Variants in TENM3 observed in about 807,000 individuals in gnomAD.
The protein encoded by TENM3 is teneurin-3.
Under a neutral mutation model 255.1 loss-of-function variants are expected in TENM3, and 63 were observed. The observed-to-expected ratio is 0.25, with a 90% CI of 0.20 to 0.30. The LOEUF is 0.30. Ranked by LOEUF, TENM3 falls within the 10% of genes least tolerant of loss-of-function variation. The probability of loss-of-function intolerance (pLI) is 1.00; values close to 1 mark genes in which losing one functional copy is unlikely to be tolerated. For missense variants in TENM3, 2,929 were observed against 3,461.1 expected, an observed-to-expected ratio of 0.85 and a Z score of 3.86; for synonymous variants, 1,306 against 1,322.3, an observed-to-expected ratio of 0.99 and a Z score of 0.27.
chr4:181,596,439 C>T, the TENM3 span, among the ~76,000 whole-genome samples: 23 of 152,088 alleles, frequency 1.5e-4, no homozygotes, highest in African/African-American at 5.6e-4. Context: ...TCTGCCTTTC[C>T]TCAGAGCCAC....
intron 1 of TENM3, among the ~76,000 whole-genome samples, chr4:182,197,816 T>A (rs1203802861): frequency 6.6e-6 from 1 of 152,154 alleles, no homozygotes; most frequent in African/African-American, 2.4e-5. Flanking sequence ...GAGATAAAGA[T>A]CTGGTGGGAA....
At chr4:181,748,346 G>C in the TENM3 span, among the ~76,000 whole-genome samples, 145 of 152,066 alleles carry the variant, frequency 9.5e-4, no homozygotes, top group African/African-American at 3.1e-3. Flanking sequence ...TACAGACCCT[G>C]AATATTTTAT....
chr4:181,886,272 C>G, the TENM3 span, among the ~76,000 whole-genome samples: 2 of 152,032 alleles, frequency 1.3e-5, no homozygotes, highest in African/African-American at 4.8e-5. Flanking sequence ...AGGCTACTTT[C>G]GAACTCCCGA....
chr4:182,437,737 G>A (rs1208571248), intron 3 of TENM3, among the ~76,000 whole-genome samples: 1 of 151,812 alleles, frequency 6.6e-6, no homozygotes, highest in Non-Finnish European at 1.5e-5. Flanking sequence ...GGCAGAGGTT[G>A]CAGTGAGGTG....
the TENM3 span, among the ~76,000 whole-genome samples, chr4:181,458,193 A>T: frequency 0.72 from 109,113 of 151,708 alleles, 39,643 homozygotes; most frequent in African/African-American, 0.83. Context: ...CTTTTCAGTA[A>T]TCACAAAGAA....
chr4:182,753,892 C>A (rs1043683512), intron 21 of TENM3, among the ~76,000 whole-genome samples: 10 of 152,086 alleles, frequency 6.6e-5, no homozygotes, highest in Admixed American at 5.2e-4. Flanking sequence ...CTAAAAAGAA[C>A]CAAACAACTG....
intron 6 of TENM3, among the ~76,000 whole-genome samples, chr4:182,665,866 A>C (rs1014721402): frequency 3.3e-5 from 5 of 152,264 alleles, no homozygotes; most frequent in African/African-American, 1.2e-4. Flanking sequence ...ACTGCACTCC[A>C]GCCTGGGCGA....
chr4:181,738,831 A>G, the TENM3 span, among the ~76,000 whole-genome samples: 7 of 152,112 alleles, frequency 4.6e-5, no homozygotes, highest in Admixed American at 6.5e-5. Flanking sequence ...TAATTTATAA[A>G]TATTTTAATC....
chr4:182,742,815 C>A (rs1162753883), intron 18 of TENM3, among the ~76,000 whole-genome samples: 1 of 152,142 alleles, frequency 6.6e-6, no homozygotes, highest in African/African-American at 2.4e-5. Context: ...TGGGTGAGAA[C>A]CAAGCATTAA....
chr4:181,720,529 G>T, the TENM3 span, among the ~76,000 whole-genome samples: 4 of 152,062 alleles, frequency 2.6e-5, no homozygotes, highest in African/African-American at 9.7e-5. Context: ...AATTAGCTTG[G>T]ATTTTTCATT....
chr4:181,966,769 T>C, the TENM3 span, among the ~76,000 whole-genome samples: 1 of 152,180 alleles, frequency 6.6e-6, no homozygotes, highest in Non-Finnish European at 1.5e-5. Context: ...CTTCTCACAA[T>C]AGCTAGTAAA....
rs56170155 is a variant in TENM3 at position 182,497,847 on chromosome 4, C to CATATATATATATATAT, written c.512-103056_512-103041dup. Among the ~76,000 whole-genome samples, 167 of 135,554 alleles carry CATATATATATATATAT rather than the reference C, an allele frequency of 1.2e-3. 2 individuals are homozygous for CATATATATATATATAT. The highest frequency in any genetic ancestry group is 3.8e-3 in the African/African-American group (116 of 30,636). The allele number at this position is 135,554 out of a possible 152,430, so 88.9% of individuals were successfully genotyped here. ...ATATACCCCATCTCTACTAAAAATA[C>CATATATATATATATAT]ATATATATATATATATATATATATA... On this transcript the variant is annotated intron_variant, in intron 3 of 27. Coordinates refer to ENST00000511685, the MANE Select transcript of TENM3 (RefSeq NM_001080477.4).
intron 22 of TENM3, chr4:182,772,749 A>G (rs544369530): frequency 1.3e-5 from 2 of 151,386 alleles, no homozygotes; most frequent in Non-Finnish European, 2.9e-5. Flanking sequence ...TCTGCTAAAA[A>G]GAGTAAGTGT....
intron 14 of TENM3, among the ~76,000 whole-genome samples, chr4:182,729,880 A>G (rs1047650915): frequency 6.6e-6 from 1 of 152,188 alleles, no homozygotes; most frequent in African/African-American, 2.4e-5. Flanking sequence ...TCATGTGAGC[A>G]CCATATATAT....
the TENM3 span, among the ~76,000 whole-genome samples, chr4:181,838,889 A>G: frequency 6.6e-6 from 1 of 150,658 alleles, no homozygotes; most frequent in Non-Finnish European, 1.5e-5. Context: ...TCTGCTCTTT[A>G]TTGTCTGTGT....
chr4:182,642,480 C>T (rs1047210357), intron 5 of TENM3, among the ~76,000 whole-genome samples: 3 of 152,184 alleles, frequency 2.0e-5, no homozygotes, highest in Non-Finnish European at 4.4e-5. Flanking sequence ...TTAATGTTAT[C>T]ATTTATAAAA....
In TENM3 at chr4:182,497,878, A is replaced by ATATATATATATATATG. The variant is rs1446346027; in HGVS notation, c.512-103041_512-103040insATATATATATGTATAT. Among the ~76,000 whole-genome samples, 132 of 143,014 alleles carry ATATATATATATATATG rather than the reference A, an allele frequency of 9.2e-4. 1 individual carries two copies. Among genetic ancestry groups the ATATATATATATATATG allele is most frequent in the African/African-American group, 3.1e-3 (115 of 37,200 alleles). 93.8% of individuals were successfully genotyped at this position (143,014 alleles called of 152,430 possible). A position where few individuals can be genotyped will look rare whatever the true frequency, so the allele number is the denominator to read the frequency against. ...TATATATATATATATATATATATATATATATCTCAACCTAGATGTATATAG... is the reference window on the plus strand; with the variant it reads ...TATATATATATATATATATATATATATATATATATATATATGTATATCTCAACCTAGATGTATATAG... On this transcript the variant is annotated intron_variant, in intron 3 of 27. Coordinates refer to ENST00000511685, the MANE Select transcript of TENM3 (RefSeq NM_001080477.4).
chr4:181,654,579 C>A, the TENM3 span, among the ~76,000 whole-genome samples: 1 of 151,938 alleles, frequency 6.6e-6, no homozygotes, highest in Non-Finnish European at 1.5e-5. Flanking sequence ...CATGGTGAAA[C>A]CCCGTCTCTA....
chr4:182,673,846 C>T (rs1014583034), intron 7 of TENM3, among the ~76,000 whole-genome samples: 3 of 152,156 alleles, frequency 2.0e-5, no homozygotes, highest in African/African-American at 7.2e-5. Flanking sequence ...AAAGTCGTTT[C>T]CCTTGCATAA....
Sources: gnomAD v4.1 joint callset for allele counts (sites outside exome capture counted in the v4.1 genomes callset) on GRCh38, gnomAD v4.1.1 for gene constraint, MANE v1.5 for transcripts, NCBI Gene and HGNC (gene_info 2026-07-23, HGNC 2026-07-21) for gene names.